The following CADM2 variants were observed in gnomAD, a reference collection of about 807,000 sequenced individuals.
The protein encoded by CADM2 is immunoglobulin superfamily member 4D.
CADM2 carries 12 observed loss-of-function variants against 49.8 expected under a neutral mutation model. The ratio of observed to expected loss-of-function variants is 0.24; its 90% confidence interval spans 0.15 to 0.39. The LOEUF is 0.39. CADM2 is among the 10% of genes least tolerant of loss of function. The pLI, the probability that CADM2 is intolerant of heterozygous loss-of-function variation, is 1.00. For missense variants in CADM2, 378 were observed against 492.3 expected (o/e 0.77, Z 2.20); for synonymous variants, 214 against 175.4 (o/e 1.22, Z -1.74).
intron 3 of CADM2, among the ~76,000 whole-genome samples, chr3:85,871,725 T>A (rs1360486633): frequency 6.6e-6 from 1 of 152,172 alleles, no homozygotes; most frequent in Non-Finnish European, 1.5e-5. Flanking sequence ...ATCATCATCA[T>A]CATGTGATTT....
At position 85,149,815 on chromosome 3, in the gene CADM2, G is replaced by A. The variant is rs77918340; in HGVS notation, c.61+190147G>A. Among the ~76,000 whole-genome samples the A allele has an allele frequency of 3.6e-3, 555 of 152,270 alleles. 2 individuals carry two copies. The highest frequency in any genetic ancestry group is 0.01 in the African/African-American group (416 of 41,542). On this transcript the variant is annotated intron_variant, in intron 1 of 9. Coordinates refer to ENST00000383699, the MANE Select transcript of CADM2 (RefSeq NM_001167675.2). Reference sequence around the variant, plus strand: ...CCATTTAACACAACTAGTTCAAATCGTCTGCATAAAATTATTTACAATAAT... The same window carrying A: ...CCATTTAACACAACTAGTTCAAATCATCTGCATAAAATTATTTACAATAAT...
chr3:85,601,832 G>T (rs1285521035), intron 1 of CADM2, among the ~76,000 whole-genome samples: 2 of 151,220 alleles, frequency 1.3e-5, no homozygotes, highest in African/African-American at 4.9e-5. Context: ...CTTCTTAATT[G>T]TGTCTGTTTT....
intron 1 of CADM2, among the ~76,000 whole-genome samples, chr3:85,321,133 T>A (rs1348757823): frequency 6.5e-4 from 10 of 15,338 alleles, no homozygotes; most frequent in Non-Finnish European, 9.0e-4. Context: ...TTTTTTTTTT[T>A]TTTTTTTTTT....
At chr3:85,449,559 G>A (rs1166646974) in intron 1 of CADM2, among the ~76,000 whole-genome samples, 1 of 148,548 alleles carries the variant, frequency 6.7e-6, no homozygotes, top group African/African-American at 2.5e-5. Flanking sequence ...GAAATATAAG[G>A]TTTTTTTTTT....
intron 1 of CADM2, among the ~76,000 whole-genome samples, chr3:85,360,805 A>C (rs1172005196): frequency 1.3e-5 from 2 of 152,126 alleles, no homozygotes; most frequent in East Asian, 3.9e-4. Context: ...TGGTGTTCTT[A>C]ATTCTGAACT....
intron 2 of CADM2, among the ~76,000 whole-genome samples, chr3:85,791,438 C>T (rs2071315672): frequency 6.7e-6 from 1 of 149,620 alleles, no homozygotes; most frequent in African/African-American, 2.5e-5. Flanking sequence ...CAAGAATGAT[C>T]TTGAACTTTC....
intron 8 of CADM2, among the ~76,000 whole-genome samples, chr3:86,010,741 T>C (rs934089650): frequency 6.6e-6 from 1 of 151,472 alleles, no homozygotes; most frequent in Non-Finnish European, 1.5e-5. Flanking sequence ...AAGCAGACTT[T>C]AGAATTTATA....
chr3:85,316,726 A>G lies in CADM2; in HGVS notation c.61+357058A>G, dbSNP rs373603303. On this transcript the variant is annotated intron_variant, in intron 1 of 9. Transcript: ENST00000383699. ...ATATGGAAGTGAGAGACACTTCCAT[A>G]TTTAAATGTTAACATAGTGAACTGA... 6.6e-5 allele frequency among the ~76,000 whole-genome samples: 10 copies of G among 152,314 alleles called. No homozygotes were observed. The East Asian group carries it at 1.5e-3, about 23-fold the overall frequency.
intron 1 of CADM2, among the ~76,000 whole-genome samples, chr3:85,670,989 G>T (rs1204810522): frequency 1.3e-5 from 2 of 152,098 alleles, no homozygotes; most frequent in African/African-American, 4.8e-5. Context: ...TGATTAGTTT[G>T]TGGCAGAGTG....
At position 86,067,204 on chromosome 3, in the gene CADM2, G is replaced by A. The variant is rs1427984347; in HGVS notation, c.*421G>A. 1 of 156,136 alleles carries A rather than the reference G, an allele frequency of 6.4e-6. No individual in the cohort carries two copies. Among genetic ancestry groups the A allele is most frequent in the Non-Finnish European group, 1.4e-5 (1 of 70,482 alleles). The allele number at this position is 156,136 out of a possible 1,614,324, so 9.7% of individuals were successfully genotyped here. Reference sequence around the variant, plus strand: ...TTTCACAAGTAACAGGATTAGGGAAGGACATAATGTATTTAAGAATAAGTG... The same window carrying A: ...TTTCACAAGTAACAGGATTAGGGAAAGACATAATGTATTTAAGAATAAGTG... On this transcript the variant is annotated 3_prime_UTR_variant, in exon 10 of 10. Transcript: ENST00000383699.
intron 1 of CADM2, among the ~76,000 whole-genome samples, chr3:85,077,968 G>A (rs1008042912): frequency 9.9e-5 from 15 of 152,046 alleles, no homozygotes; most frequent in African/African-American, 3.4e-4. Context: ...ACTCTGCCAA[G>A]CAAAATAAAT....
At chr3:85,373,115 C>G (rs2033369561) in intron 1 of CADM2, among the ~76,000 whole-genome samples, 1 of 152,102 alleles carries the variant, frequency 6.6e-6, no homozygotes, top group Non-Finnish European at 1.5e-5. Context: ...AGCATTAACT[C>G]AAAAGTCCAC....
chr3:85,857,441 T>C (rs180710192), intron 3 of CADM2, among the ~76,000 whole-genome samples: 1 of 152,316 alleles, frequency 6.6e-6, no homozygotes, highest in Admixed American at 6.5e-5. Flanking sequence ...GGCAGAGTCC[T>C]CCGTGCCTAC....
intron 1 of CADM2, among the ~76,000 whole-genome samples, chr3:85,439,259 T>C (rs2037078089): frequency 6.6e-6 from 1 of 151,858 alleles, no homozygotes; most frequent in Non-Finnish European, 1.5e-5. Flanking sequence ...GTTCATGCGA[T>C]TCTCCTGCCT....
At chr3:85,380,548 T>C (rs970866617) in intron 1 of CADM2, among the ~76,000 whole-genome samples, 4 of 151,976 alleles carry the variant, frequency 2.6e-5, no homozygotes, top group Non-Finnish European at 5.9e-5. Context: ...TTAAATACAA[T>C]GATATACTTG....
intron 1 of CADM2, among the ~76,000 whole-genome samples, chr3:85,521,947 A>G (rs1435265097): frequency 6.6e-6 from 1 of 152,154 alleles, no homozygotes; most frequent in East Asian, 1.9e-4. Context: ...GAGCAGTACC[A>G]GTCGCTTTTC....
intron 1 of CADM2, among the ~76,000 whole-genome samples, chr3:85,027,109 CTTT>C (rs1160735135): frequency 3.4e-4 from 19 of 55,688 alleles, no homozygotes; most frequent in African/African-American, 1.1e-3. Flanking sequence ...TTTCTTTTTC[CTTT>C]TTTTTTTTTT....
chr3:85,818,829 T>C (rs1276913982), intron 3 of CADM2, among the ~76,000 whole-genome samples: 1 of 150,864 alleles, frequency 6.6e-6, no homozygotes, highest in Non-Finnish European at 1.5e-5. Flanking sequence ...GAACAGAGCA[T>C]GAGCTAAGAA....
At chr3:85,122,326 C>T (rs1354286352) in intron 1 of CADM2, among the ~76,000 whole-genome samples, 1 of 152,104 alleles carries the variant, frequency 6.6e-6, no homozygotes, top group African/African-American at 2.4e-5. Context: ...TCAATATTGC[C>T]AAATCCAGTG....
Sources: gnomAD v4.1 joint callset for allele counts (sites outside exome capture counted in the v4.1 genomes callset) on GRCh38, gnomAD v4.1.1 for gene constraint, MANE v1.5 for transcripts, NCBI Gene and HGNC (gene_info 2026-07-23, HGNC 2026-07-21) for gene names.